Variants in HSD3B2 observed in about 807,000 individuals in gnomAD.
The protein encoded by HSD3B2 is hydroxy-delta-5-steroid dehydrogenase, 3 beta- and steroid delta-isomerase 2.
HSD3B2 carries 8 observed loss-of-function variants against 9.9 expected under a neutral mutation model. The ratio of observed to expected loss-of-function variants is 0.81; its 90% CI spans 0.47 to 1.46. HSD3B2 has a LOEUF of 1.46. HSD3B2 is among the 40% of genes most tolerant of loss of function. The probability of loss-of-function intolerance (pLI) is 0.00; values close to 1 mark genes in which losing one functional copy is unlikely to be tolerated. For synonymous variants in HSD3B2, 221 were observed against 184.5 expected (o/e 1.20, Z -1.60); for missense variants, 410 against 448.3 (o/e 0.91, Z 0.77).
In HSD3B2 at chr1:119,422,265, T is replaced by A; in HGVS notation, c.764T>A (p.Ile255Asn). ...APSVRGQFYY[I>N]SDDTPHQSYD... ...AGTGTCCGAGGTCAATTCTATTACATCTCAGATGACACGCCTCACCAAAGC... is the reference window on the plus strand; with the variant it reads ...AGTGTCCGAGGTCAATTCTATTACAACTCAGATGACACGCCTCACCAAAGC... The change falls in exon 4 of 4, where the codon ATC becomes AAC. Residue 255 changes from isoleucine (I) to asparagine (N), a missense_variant. Coordinates refer to ENST00000369416, the MANE Select transcript of HSD3B2 (RefSeq NM_000198.4). 6.2e-7 allele frequency: 1 copy of A among 1,614,040 alleles called. No homozygotes were observed. The highest frequency in any genetic ancestry group is 1.1e-5 in the South Asian group (1 of 91,064).
chr1:119,422,254 A>G lies in HSD3B2; in HGVS notation c.753A>G (p.Gln251=). 3 of 1,614,094 alleles carry G rather than the reference A, an allele frequency of 1.9e-6. No homozygotes were observed. The highest frequency in any genetic ancestry group is 2.5e-6 in the Non-Finnish European group (3 of 1,180,012). ...AGAAGGCCCCAAGTGTCCGAGGTCA[A>G]TTCTATTACATCTCAGATGACACGC... ...DPKKAPSVRG[Q]FYYISDDTPH... is the part of the protein sequence containing the mutation. The change falls in exon 4 of 4, where the codon CAA becomes CAG. Residue 251 remains glutamine, a synonymous_variant. Coordinates refer to ENST00000369416, the MANE Select transcript of HSD3B2 (RefSeq NM_000198.4).
rs1393706800 is a variant in HSD3B2, at chr1:119,419,448, T to C, written c.173T>C (p.Leu58Pro). The change falls in exon 3 of 4, where the codon CTT becomes CCT. Residue 58 changes from leucine (L) to proline (P), a missense_variant. Physicochemically the swap from Leu to Pro is moderately conservative, Grantham distance 98. Coordinates refer to ENST00000369416, the MANE Select transcript of HSD3B2 (RefSeq NM_000198.4). ...CAGAACAGGACCAAGCTGACTGTAC[T>C]TGAAGGAGACATTCTGGATGAGCCA... is the stretch of plus-strand genomic sequence containing the variant. The part of the protein sequence containing the change: ...KLQNRTKLTV[L>P]EGDILDEPFL... The C allele has an allele frequency of 6.2e-7, 1 of 1,613,598 alleles. No homozygotes were observed. The highest frequency in any genetic ancestry group is 8.5e-7 in the Non-Finnish European group (1 of 1,179,794).
intron 2 of HSD3B2, among the ~76,000 whole-genome samples, chr1:119,418,789 C>G (rs1461714634): frequency 6.6e-6 from 1 of 151,858 alleles, no homozygotes; most frequent in African/African-American, 2.4e-5. Context: ...TTAGCTGGGA[C>G]TATAGGCACA....
In HSD3B2 at chr1:119,422,673, C is replaced by T. The variant is rs2101351440; in HGVS notation, c.*53C>T. 3.8e-6 allele frequency: 6 copies of T among 1,599,826 alleles called. No homozygotes were observed. Among genetic ancestry groups the T allele is most frequent in the South Asian group, 1.1e-5 (1 of 89,686 alleles). ...GGTATTGTTAGGAAATGTCATCAAA[C>T]TCCACCCACCTGGCTTCATACAGAA... On this transcript the variant is annotated 3_prime_UTR_variant, in exon 4 of 4. Transcript: ENST00000369416.
At chr1:119,416,426 C>T (rs1651712520) in intron 2 of HSD3B2, among the ~76,000 whole-genome samples, 1 of 152,168 alleles carries the variant, frequency 6.6e-6, no homozygotes, top group South Asian at 2.1e-4. Context: ...GAAAAGGGGT[C>T]ACCTCCAACT....
rs1651673649 is a variant in HSD3B2, at chr1:119,415,365, C to T, written c.-55C>T. 3.8e-6 allele frequency: 6 copies of T among 1,597,254 alleles called. No homozygotes were observed. Among genetic ancestry groups the T allele is most frequent in the Admixed American group, 1.7e-5 (1 of 59,940 alleles). ...GGGTCACGCTAGAATCAGATCTGCT[C>T]TCCAGCATCTTCTGTTTCCTGGCAA... is the stretch of plus-strand genomic sequence containing the variant. On this transcript the variant is annotated 5_prime_UTR_variant, in exon 2 of 4. Coordinates refer to ENST00000369416, the MANE Select transcript of HSD3B2 (RefSeq NM_000198.4).
intron 2 of HSD3B2, among the ~76,000 whole-genome samples, chr1:119,417,668 G>C (rs925285085): frequency 2.6e-5 from 4 of 152,148 alleles, no homozygotes; most frequent in African/African-American, 9.7e-5. Flanking sequence ...AAGAGCAAAT[G>C]GTCCCACCTG....
At chr1:119,415,278 G>A in intron 1 of HSD3B2, 53 bp from the exon 2 acceptor site, 1 of 824,134 alleles carries the variant, frequency 1.2e-6, no homozygotes, top group Non-Finnish European at 2.0e-6. Context: ...AAATGGGGTG[G>A]AGGAAAATAA....
At chr1:119,421,435 ATATATG>A in intron 3 of HSD3B2, among the ~76,000 whole-genome samples, 1 of 27,970 alleles carries the variant, frequency 3.6e-5, no homozygotes, top group African/African-American at 2.3e-4. Flanking sequence ...ATGTATATAT[ATATATG>A]TATATATATA....
At chr1:119,417,998 T>C (rs1029732874) in intron 2 of HSD3B2, among the ~76,000 whole-genome samples, 1 of 152,188 alleles carries the variant, frequency 6.6e-6, no homozygotes, top group African/African-American at 2.4e-5. Context: ...AAGCAAGCTG[T>C]GAGCCGTATG....
At chr1:119,414,976 G>A (rs1288049666), upstream of HSD3B2, 5 of 219,536 alleles carry the variant, frequency 2.3e-5, no homozygotes, top group Non-Finnish European at 3.7e-5. Context: ...CTTAAGATTG[G>A]ATTTCTCTTC....
At chr1:119,419,755 T>C (rs1474629479) in intron 3 of HSD3B2, 173 bp downstream of exon 3, 7 of 671,438 alleles carry the variant, frequency 1.0e-5, no homozygotes, top group African/African-American at 1.8e-5. Context: ...GTTTTTTAGA[T>C]GAGAAAACTA....
chr1:119,419,806 G>T (rs971012641), intron 3 of HSD3B2: 2 of 536,954 alleles, frequency 3.7e-6, no homozygotes, highest in Admixed American at 3.0e-5. Context: ...GGCCCCAAAA[G>T]TAAGTAAGTA....
At chr1:119,421,504 T>C (rs1651874233) in intron 3 of HSD3B2, among the ~76,000 whole-genome samples, 1 of 136,806 alleles carries the variant, frequency 7.3e-6, no homozygotes, top group Non-Finnish European at 1.5e-5. Flanking sequence ...AATATATATA[T>C]ATATATACAC....
chr1:119,419,337 C>T, intron 2 of HSD3B2, 81 bp from the exon 3 acceptor site: 1 of 1,330,430 alleles, frequency 7.5e-7, no homozygotes, highest in South Asian at 1.2e-5. Flanking sequence ...TCTTTGAGCA[C>T]CTATGTAACA....
Position 119,422,925 on chromosome 1 carries a change from G to C in HSD3B2, c.*305G>C, listed in dbSNP as rs587758091. 14 of 499,292 alleles carry C rather than the reference G, an allele frequency of 2.8e-5. No individual in the cohort carries two copies. The highest frequency in any genetic ancestry group is 4.0e-5 in the Non-Finnish European group (11 of 277,356). 30.9% of individuals were successfully genotyped at this position (499,292 alleles called of 1,614,324 possible). ...ACTTGAGGTTCTCTTTTGACTAATA[G>C]AGCTCCATTTCCCCTCTTAAATGAG... On this transcript the variant is annotated 3_prime_UTR_variant, in exon 4 of 4. Transcript: ENST00000369416.
chr1:119,421,428 T>TTTTATA (rs1491499291), intron 3 of HSD3B2, among the ~76,000 whole-genome samples: 2 of 16,652 alleles, frequency 1.2e-4, no homozygotes, highest in East Asian at 1.8e-3. Context: ...TATATATATG[T>TTTTATA]ATATATATAT....
chr1:119,418,978 A>G (rs1253385358), intron 2 of HSD3B2, among the ~76,000 whole-genome samples: 1 of 152,156 alleles, frequency 6.6e-6, no homozygotes, highest in Non-Finnish European at 1.5e-5. Flanking sequence ...CAACATAAAT[A>G]AGGGTTTTTC....
intron 3 of HSD3B2, among the ~76,000 whole-genome samples, chr1:119,420,302 G>T (rs1454221979): frequency 6.6e-6 from 1 of 151,952 alleles, no homozygotes; most frequent in Non-Finnish European, 1.5e-5. Context: ...GATTCCCAGA[G>T]CCCAGTCTCT....
Sources: gnomAD v4.1 joint callset for allele counts (sites outside exome capture counted in the v4.1 genomes callset) on GRCh38, gnomAD v4.1.1 for gene constraint, MANE v1.5 for transcripts, NCBI Gene and HGNC (gene_info 2026-07-23, HGNC 2026-07-21) for gene names.